Variants in ASPH observed in about 807,000 individuals in gnomAD.
The protein encoded by ASPH is aspartyl/asparaginyl beta-hydroxylase.
A neutral mutation model predicts 118.4 loss-of-function variants in ASPH; 100 were observed. The ratio of observed to expected loss-of-function variants is 0.84; its 90% CI spans 0.72 to 1.00. ASPH has a LOEUF of 1.00. Among genes scored for constraint, ASPH ranks in the 50% least tolerant of loss-of-function variants. ASPH has a pLI of 0.00. For missense variants in ASPH, 920 were observed against 919.5 expected (o/e 1.00, Z -0.01); for synonymous variants, 315 against 325.6 (o/e 0.97, Z 0.35).
At chr8:61,548,235 A>G (rs771153048) in intron 20 of ASPH, 27 bp from the exon 21 acceptor site, 16 of 1,597,254 alleles carry the variant, frequency 1.0e-5, no homozygotes, top group Non-Finnish European at 1.3e-5. Flanking sequence ...AATGTGCTCC[A>G]AACTGTTCCT....
chr8:61,608,843 T>C (rs1317802336), intron 14 of ASPH, among the ~76,000 whole-genome samples: 1 of 152,184 alleles, frequency 6.6e-6, no homozygotes, highest in African/African-American at 2.4e-5. Flanking sequence ...CTTCTTCCTC[T>C]TCATCCACTG....
At chr8:61,619,154 C>A in intron 13 of ASPH, 135 bp from the exon 14 acceptor site, 1 of 586,624 alleles carries the variant, frequency 1.7e-6, no homozygotes, top group Non-Finnish European at 2.8e-6. Context: ...TTCAATTTTC[C>A]TAAATCCTGA....
intron 5 of ASPH, 85 bp from the exon 6 acceptor site, chr8:61,646,963 G>C: frequency 1.3e-6 from 2 of 1,561,432 alleles, no homozygotes; most frequent in Admixed American, 3.5e-5. Context: ...ACCTGCTCCT[G>C]CTGCTGGGGC....
chr8:61,595,979 G>C lies in ASPH; in HGVS notation c.977-11950C>G, dbSNP rs969107496. ...CACCCCCACTGTCACTGATGCCCCAGTGTGCCATCTGGATGTGTAAGGATT... is the reference window on the plus strand; with the variant it reads ...CACCCCCACTGTCACTGATGCCCCACTGTGCCATCTGGATGTGTAAGGATT... On this transcript the variant is annotated intron_variant, in intron 14 of 24. Transcript: ENST00000379454. 2.7e-5 allele frequency among the ~76,000 whole-genome samples: 4 copies of C among 146,086 alleles called. No individual in the cohort carries two copies. In the East Asian group the frequency reaches 6.3e-4, roughly 23 times the overall value.
At chr8:61,706,595 T>C (rs1392157206) in intron 1 of ASPH, among the ~76,000 whole-genome samples, 5 of 152,286 alleles carry the variant, frequency 3.3e-5, no homozygotes, top group East Asian at 3.9e-4. Flanking sequence ...AATTGTTCTA[T>C]AGATTCAATA....
In ASPH at chr8:61,627,457, T is replaced by G. The variant is rs534736571; in HGVS notation, c.934+6226A>C. On this transcript the variant is annotated intron_variant, in intron 13 of 24. Transcript: ENST00000379454. ...TCAGAGGTAGGAAGAGGGAGACATT[T>G]CTGGGGTGTTAAAAGCTTTACGTCG... Among the ~76,000 whole-genome samples, 310 of 152,324 alleles carry G rather than the reference T, an allele frequency of 2.0e-3. 1 individual carries two copies. Among genetic ancestry groups the G allele is most frequent in the African/African-American group, 7.0e-3 (291 of 41,582 alleles).
intron 22 of ASPH, among the ~76,000 whole-genome samples, chr8:61,524,406 C>A (rs1563692087): frequency 6.6e-6 from 1 of 151,728 alleles, no homozygotes; most frequent in Admixed American, 6.6e-5. Context: ...AGAGAAAATA[C>A]AAATTCAGGA....
chr8:61,693,827 C>T lies in ASPH; in HGVS notation c.104-9639G>A, dbSNP rs578032368. Among the ~76,000 whole-genome samples the T allele has an allele frequency of 1.6e-3, 251 of 152,300 alleles. 1 individual carries two copies. Among genetic ancestry groups the T allele is most frequent in the African/African-American group, 5.4e-3 (225 of 41,560 alleles). On this transcript the variant is annotated intron_variant, in intron 1 of 24. Coordinates refer to ENST00000379454, the MANE Select transcript of ASPH (RefSeq NM_004318.4). ...GGCCATCTTAGACTCCACAGTTGAC[C>T]ATTTACATCACTCCAGCGACTCATG...
At chr8:61,593,997 A>G (rs1423447750) in intron 14 of ASPH, among the ~76,000 whole-genome samples, 1 of 152,248 alleles carries the variant, frequency 6.6e-6, no homozygotes, top group Non-Finnish European at 1.5e-5. Context: ...AAGCAGGTAT[A>G]TACTCAGCAG....
chr8:61,602,642 G>C (rs1384189742), intron 14 of ASPH, among the ~76,000 whole-genome samples: 1 of 151,266 alleles, frequency 6.6e-6, no homozygotes, highest in Non-Finnish European at 1.5e-5. Context: ...ACCTTAAGTG[G>C]ATCAGTGGCT....
intron 5 of ASPH, among the ~76,000 whole-genome samples, chr8:61,648,456 C>T (rs746312294): frequency 2.6e-5 from 4 of 152,172 alleles, no homozygotes; most frequent in African/African-American, 9.7e-5. Flanking sequence ...AGATTTTCTG[C>T]TATTCAGCAA....
chr8:61,505,190 G>A (rs1053287655), intron 24 of ASPH, among the ~76,000 whole-genome samples: 4 of 152,050 alleles, frequency 2.6e-5, no homozygotes, highest in East Asian at 1.9e-4. Flanking sequence ...TTCTCTTGCC[G>A]CCACCAGGTA....
At chr8:61,559,998 C>T (rs1240930889) in intron 18 of ASPH, among the ~76,000 whole-genome samples, 4 of 152,012 alleles carry the variant, frequency 2.6e-5, no homozygotes, top group African/African-American at 4.8e-5. Context: ...CAAGAGATGA[C>T]GGGTGCTTTG....
chr8:61,562,899 A>T lies in ASPH; in HGVS notation c.1301-19T>A, dbSNP rs1460212149. 1.2e-5 allele frequency: 18 copies of T among 1,510,922 alleles called. No homozygotes were observed. Among genetic ancestry groups the T allele is most frequent in the East Asian group, 9.6e-5 (4 of 41,482 alleles). The allele number at this position is 1,510,922 out of a possible 1,614,324, so 93.6% of individuals were successfully genotyped here. A position where few individuals can be genotyped will look rare whatever the true frequency, so the allele number is the denominator to read the frequency against. ...ATATGACCTGAGTAGGTGGGAATTT[A>T]AAAAAAATAGAAATAAAAACAGATT... On this transcript the variant is annotated intron_variant, in intron 17 of 24. Transcript: ENST00000379454.
intron 14 of ASPH, among the ~76,000 whole-genome samples, chr8:61,595,473 A>G (rs1466392290): frequency 6.6e-6 from 1 of 152,258 alleles, no homozygotes; most frequent in African/African-American, 2.4e-5. Flanking sequence ...TGCCTTTCTG[A>G]AACAGAGGTA....
At chr8:61,621,194 C>A (rs921351135) in intron 13 of ASPH, among the ~76,000 whole-genome samples, 5 of 152,102 alleles carry the variant, frequency 3.3e-5, no homozygotes, top group Admixed American at 2.6e-4. Context: ...TTGTCCTCTT[C>A]TGTCCTTCAC....
Position 61,567,194 on chromosome 8 carries a change from C to T in ASPH, c.1274G>A (p.Arg425His), listed in dbSNP as rs571146931. 6.6e-5 allele frequency: 106 copies of T among 1,613,860 alleles called. 3 individuals are homozygous for T. The South Asian group carries it at 9.1e-4, about 14-fold the overall frequency. ...PADLLKLSLK[R>H]RSDRQQFLGH... is the part of the protein sequence containing the mutation. The stretch of plus-strand genomic sequence containing the variant: ...TAGAAATTGTTGCCTGTCTGAGCGA[C>T]GCTTCAAACTCAGCTTCAGCAGGTC... Residue 425 changes from arginine (R) to histidine (H), a missense_variant, in exon 17 of 25, where the codon CGT becomes CAT. Coordinates refer to ENST00000379454, the MANE Select transcript of ASPH (RefSeq NM_004318.4).
At chr8:61,583,199 C>G (rs1296150988) in intron 15 of ASPH, 1 of 151,916 alleles carries the variant, frequency 6.6e-6, no homozygotes, top group African/African-American at 2.4e-5. Context: ...TTTCTTTTTG[C>G]ATCAAGGAGC....
intron 10 of ASPH, among the ~76,000 whole-genome samples, chr8:61,638,804 T>C (rs1397862801): frequency 6.6e-6 from 1 of 152,156 alleles, no homozygotes; most frequent in African/African-American, 2.4e-5. Flanking sequence ...CGTGCTGCCC[T>C]TGCCTCCCTC....
Sources: gnomAD v4.1 joint callset for allele counts (sites outside exome capture counted in the v4.1 genomes callset) on GRCh38, gnomAD v4.1.1 for gene constraint, MANE v1.5 for transcripts, NCBI Gene and HGNC (gene_info 2026-07-23, HGNC 2026-07-21) for gene names.